The following SIDT2 variants were observed in gnomAD, a reference collection of about 807,000 sequenced individuals.
SIDT2 encodes SID1 transmembrane family, member 2.
A neutral mutation model predicts 114.4 loss-of-function variants in SIDT2; 68 were observed. The observed-to-expected ratio is 0.59, with a 90% confidence interval of 0.49 to 0.73. The LOEUF (loss-of-function observed/expected upper bound fraction) is 0.73. SIDT2 is among the 30% of genes least tolerant of loss of function. The pLI is 0.00. For synonymous variants in SIDT2, 470 were observed against 438.4 expected (o/e 1.07, Z -0.90); for missense variants, 918 against 1,097.1 (o/e 0.84, Z 2.31).
chr11:117,188,192 C>T lies in SIDT2; in HGVS notation c.1159+493C>T, dbSNP rs946551756. 2.5e-5 allele frequency: 9 copies of T among 358,702 alleles called. No individual in the cohort carries two copies. Among genetic ancestry groups the T allele is most frequent in the African/African-American group, 1.1e-4 (5 of 46,904 alleles). The allele number at this position is 358,702 out of a possible 1,614,324, so 22.2% of individuals were successfully genotyped here. ...AGTTTATCGTCTGCGTTGCCAGCGCCCTCACTCCCTGGCCTGCTTGGGGAG... is the reference window on the plus strand; with the variant it reads ...AGTTTATCGTCTGCGTTGCCAGCGCTCTCACTCCCTGGCCTGCTTGGGGAG... On this transcript the variant is annotated intron_variant, in intron 12 of 25. Transcript: ENST00000324225. This position sits in a 1 kb window ranked among gnomAD's most constrained non-coding sequence, Gnocchi z 4.0.
chr11:117,186,564 T>C lies in SIDT2; in HGVS notation c.963-20T>C. 2 of 1,543,098 alleles carry C rather than the reference T, an allele frequency of 1.3e-6. No individual in the cohort carries two copies. Among genetic ancestry groups the C allele is most frequent in the Non-Finnish European group, 8.7e-7 (1 of 1,150,168 alleles). ...CTTGTCCTGTCCCATCTGGGTGGCC[T>C]GTGGGTTCTGTCCATGCAGGCAGAA... On this transcript the variant is annotated intron_variant, in intron 9 of 25. Transcript: ENST00000324225.
Position 117,190,570 on chromosome 11 carries a change from T to G in SIDT2, c.1618-53T>G. The G allele has an allele frequency of 1.4e-6, 2 of 1,456,420 alleles. No individual in the cohort carries two copies. Among genetic ancestry groups the G allele is most frequent in the Admixed American group, 3.9e-5 (2 of 50,664 alleles). 90.2% of individuals were successfully genotyped at this position (1,456,420 alleles called of 1,614,324 possible). A position where few individuals can be genotyped will look rare whatever the true frequency, so the allele number is the denominator to read the frequency against. On this transcript the variant is annotated intron_variant, in intron 17 of 25. Transcript: ENST00000324225. This position sits in a 1 kb window ranked among gnomAD's most constrained non-coding sequence, Gnocchi z 4.1. ...TAGGGTCCCTCTTTTGGGTCCCTTCTTCCCTTCCTGCCTCACTTCCTCCCT... is the reference window on the plus strand; with the variant it reads ...TAGGGTCCCTCTTTTGGGTCCCTTCGTCCCTTCCTGCCTCACTTCCTCCCT...
Position 117,179,030 on chromosome 11 carries a change from A to C in SIDT2, c.-234A>C, listed in dbSNP as rs565304279. 3.6e-6 allele frequency: 2 copies of C among 555,862 alleles called. No homozygotes were observed. The highest frequency in any genetic ancestry group is 3.1e-5 in the East Asian group (1 of 32,512). 34.4% of individuals were successfully genotyped at this position (555,862 alleles called of 1,614,324 possible). A position where few individuals can be genotyped will look rare whatever the true frequency, so the allele number is the denominator to read the frequency against. ...CGAGCTGGGACCCCTTCCCGTAGCCAGCATCCCCTCCCTCCCCGCCCCCTC... is the reference window on the plus strand; with the variant it reads ...CGAGCTGGGACCCCTTCCCGTAGCCCGCATCCCCTCCCTCCCCGCCCCCTC... On this transcript the variant is annotated 5_prime_UTR_variant, in exon 1 of 26. Transcript: ENST00000324225.
rs889929900 is a variant in SIDT2 at position 117,196,445 on chromosome 11, A to C, written c.*379A>C. Reference sequence around the variant, plus strand: ...GCATTTTGCCCGTCCTCCTCCCCACAATGCCCCAGCCTGGGACCTAAGGCC... The same window carrying C: ...GCATTTTGCCCGTCCTCCTCCCCACCATGCCCCAGCCTGGGACCTAAGGCC... On this transcript the variant is annotated 3_prime_UTR_variant, in exon 26 of 26. Coordinates refer to ENST00000324225, the MANE Select transcript of SIDT2 (RefSeq NM_001040455.2). This position sits in a 1 kb window ranked among gnomAD's most constrained non-coding sequence, Gnocchi z 4.9. The C allele has an allele frequency of 3.4e-5, 9 of 262,680 alleles. No homozygotes were observed. The Admixed American group carries it at 3.5e-4, about 10-fold the overall frequency. The allele number at this position is 262,680 out of a possible 1,614,324, so 16.3% of individuals were successfully genotyped here. A position where few individuals can be genotyped will look rare whatever the true frequency, so the allele number is the denominator to read the frequency against.
Position 117,192,536 on chromosome 11 carries a change from G to A in SIDT2, c.1982-38G>A. ...TCCCAGGGGTCCAGCAAAGGAGGGTGCCCCGTGCCTGTCAGCACCACTCCC... is the reference window on the plus strand; with the variant it reads ...TCCCAGGGGTCCAGCAAAGGAGGGTACCCCGTGCCTGTCAGCACCACTCCC... On this transcript the variant is annotated intron_variant, in intron 20 of 25. Transcript: ENST00000324225. This position sits in a 1 kb window ranked among gnomAD's most constrained non-coding sequence, Gnocchi z 5.9. 2 of 1,602,086 alleles carry A rather than the reference G, an allele frequency of 1.2e-6. No individual in the cohort carries two copies. Among genetic ancestry groups the A allele is most frequent in the Non-Finnish European group, 1.7e-6 (2 of 1,178,034 alleles).
At chr11:117,181,590 C>T in intron 2 of SIDT2, 53 bp downstream of exon 2, 1 of 1,608,920 alleles carries the variant, frequency 6.2e-7, no homozygotes, top group Non-Finnish European at 8.5e-7. Context: ...CAGTCCTTGG[C>T]TGGAGCCTCA....
At position 117,187,312 on chromosome 11, in the gene SIDT2, T is replaced by G; in HGVS notation, c.1016-66T>G. On this transcript the variant is annotated intron_variant, in intron 10 of 25. Coordinates refer to ENST00000324225, the MANE Select transcript of SIDT2 (RefSeq NM_001040455.2). ...GCTGTCTTCTCTGGACCTTTCTTTG[T>G]TCTTCTCCCTGGCTCTAGGCCTCTC... 9 of 1,481,504 alleles carry G rather than the reference T, an allele frequency of 6.1e-6. No homozygotes were observed. The South Asian group carries it at 1.0e-4, about 17-fold the overall frequency. The allele number at this position is 1,481,504 out of a possible 1,614,324, so 91.8% of individuals were successfully genotyped here. A position where few individuals can be genotyped will look rare whatever the true frequency, so the allele number is the denominator to read the frequency against.
rs1478369853 is a variant in SIDT2 at position 117,189,705 on chromosome 11, C to G, written c.1420-247C>G. Reference sequence around the variant, plus strand: ...CAGTTTCCCTTCCCTTTTCTCTGTCCCGTGGGGCAAGAACTTCCATCACGG... The same window carrying G: ...CAGTTTCCCTTCCCTTTTCTCTGTCGCGTGGGGCAAGAACTTCCATCACGG... On this transcript the variant is annotated intron_variant, in intron 15 of 25. Transcript: ENST00000324225. 7.7e-5 allele frequency: 46 copies of G among 600,446 alleles called. 1 individual carries two copies. Among genetic ancestry groups the G allele is most frequent in the South Asian group, 7.3e-4 (37 of 50,474 alleles). The allele number at this position is 600,446 out of a possible 1,614,324, so 37.2% of individuals were successfully genotyped here. A position where few individuals can be genotyped will look rare whatever the true frequency, so the allele number is the denominator to read the frequency against.
intron 10 of SIDT2, 81 bp downstream of exon 10, chr11:117,186,717 T>C: frequency 8.6e-7 from 1 of 1,159,742 alleles, no homozygotes; most frequent in Non-Finnish European, 1.2e-6. Flanking sequence ...CCCTAGGGGG[T>C]TGGAGGAGGA....
Position 117,195,827 on chromosome 11 carries a change from A to G in SIDT2, c.2348A>G (p.His783Arg). 3 of 1,614,206 alleles carry G rather than the reference A, an allele frequency of 1.9e-6. No individual in the cohort carries two copies. Among genetic ancestry groups the G allele is most frequent in the Non-Finnish European group, 2.5e-6 (3 of 1,180,030 alleles). The change falls in exon 25 of 26, where the codon CAC becomes CGC. Residue 783 changes from histidine to arginine, a missense_variant. Around this residue, in one of 4 missense-constraint regions of SIDT2, gnomAD observed 275 missense variants for 397.6 expected, o/e 0.69. Coordinates refer to ENST00000324225, the MANE Select transcript of SIDT2 (RefSeq NM_001040455.2). ...WQKTPAESRE[H>R]NRDCILLDFF... ...AAAACCCCTGCAGAGTCGAGGGAGCACAACCGGGACTGCATCCTCCTCGAC... is the reference window on the plus strand; with the variant it reads ...AAAACCCCTGCAGAGTCGAGGGAGCGCAACCGGGACTGCATCCTCCTCGAC...
At position 117,183,668 on chromosome 11, in the gene SIDT2, G is replaced by T. The variant is rs78782288; in HGVS notation, c.703-111G>T. On this transcript the variant is annotated intron_variant, in intron 6 of 25. Coordinates refer to ENST00000324225, the MANE Select transcript of SIDT2 (RefSeq NM_001040455.2). ...AAAAAAAAAATCTTGTGAGGATTAA[G>T]TAAAATATATCTATGAAGAATTTAG... 5.3e-3 allele frequency: 4,329 copies of T among 810,254 alleles called. 147 individuals are homozygous for T. The African/African-American group carries it at 0.066, about 12-fold the overall frequency. The allele number at this position is 810,254 out of a possible 1,614,324, so 50.2% of individuals were successfully genotyped here.
intron 18 of SIDT2, 121 bp from the exon 19 acceptor site, chr11:117,191,757 C>T (rs946020389): frequency 8.8e-5 from 123 of 1,394,458 alleles, no homozygotes; most frequent in Non-Finnish European, 1.1e-4. Context: ...GCCACCAGCT[C>T]ACACCATGGC....
intron 6 of SIDT2, among the ~76,000 whole-genome samples, chr11:117,183,506 T>G (rs1412014816): frequency 6.6e-6 from 1 of 151,534 alleles, no homozygotes; most frequent in Non-Finnish European, 1.5e-5. Flanking sequence ...GGCGTGGTGA[T>G]GGACGCCTGT....
At chr11:117,187,806 G>A (rs2030556945) in intron 12 of SIDT2, 107 bp downstream of exon 12, 1 of 1,072,458 alleles carries the variant, frequency 9.3e-7, no homozygotes, top group African/African-American at 1.6e-5. Context: ...AACCTGGGAA[G>A]GGCCTGCTGT....
rs1170507795 is a variant in SIDT2 at position 117,189,991 on chromosome 11, A to G, written c.1459A>G (p.Asn487Asp). Residue 487 changes from asparagine to aspartate, a missense_variant, in exon 16 of 26, where the codon AAC (asparagine) becomes GAC (aspartate). Coordinates refer to ENST00000324225, the MANE Select transcript of SIDT2 (RefSeq NM_001040455.2). The part of the protein sequence containing the change: ...VTGNQDICYY[N>D]FLCAHPLGNL... ...AGGGAATCAGGACATCTGCTACTAC[A>G]ACTTCCTCTGCGCCCACCCACTGGG... The G allele has an allele frequency of 6.2e-7, 1 of 1,613,946 alleles. No individual in the cohort carries two copies. Among genetic ancestry groups the G allele is most frequent in the Non-Finnish European group, 8.5e-7 (1 of 1,180,012 alleles).
chr11:117,185,905 A>T (rs945860904), intron 8 of SIDT2: 66 of 438,426 alleles, frequency 1.5e-4, no homozygotes, highest in Non-Finnish European at 2.5e-4. Flanking sequence ...AGTAGAAGAG[A>T]AAGTTCTAGC....
At position 117,196,779 on chromosome 11, in the gene SIDT2, A is replaced by C. The variant is rs1275269011; in HGVS notation, c.*713A>C. The C allele has an allele frequency of 6.5e-6, 1 of 152,908 alleles. No homozygotes were observed. The highest frequency in any genetic ancestry group is 1.5e-5 in the Non-Finnish European group (1 of 68,280). The allele number at this position is 152,908 out of a possible 1,614,324, so 9.5% of individuals were successfully genotyped here. A position where few individuals can be genotyped will look rare whatever the true frequency, so the allele number is the denominator to read the frequency against. The stretch of plus-strand genomic sequence containing the variant: ...TTCTGATTCAAGAGGCTGAATTCAG[A>C]GGTCACCTCTTCATCCCATCAGCTC... On this transcript the variant is annotated 3_prime_UTR_variant, in exon 26 of 26. Coordinates refer to ENST00000324225, the MANE Select transcript of SIDT2 (RefSeq NM_001040455.2). This position sits in a 1 kb window ranked among gnomAD's most constrained non-coding sequence, Gnocchi z 4.9.
At position 117,186,343 on chromosome 11, in the gene SIDT2, G is replaced by A. The variant is rs111871882; in HGVS notation, c.962+120G>A. 5.6e-3 allele frequency: 5,205 copies of A among 935,326 alleles called. 50 individuals carry two copies. The highest frequency in any genetic ancestry group is 0.042 in the Middle Eastern group (153 of 3,640). 57.9% of individuals were successfully genotyped at this position (935,326 alleles called of 1,614,324 possible). ...TCTACACCATCCATAGCAGATGATG[G>A]TGGGGCTGTTAGAGTCTGTGGCCCA... On this transcript the variant is annotated intron_variant, in intron 9 of 25. Transcript: ENST00000324225.
chr11:117,194,477 G>A (rs1283927837), intron 24 of SIDT2, among the ~76,000 whole-genome samples: 2 of 152,248 alleles, frequency 1.3e-5, no homozygotes, highest in Non-Finnish European at 2.9e-5. Flanking sequence ...CACATAGCCA[G>A]TGAGTGGCAC....
Sources: allele counts gnomAD v4.1 joint callset (sites outside exome capture counted in the v4.1 genomes callset), GRCh38; gene constraint gnomAD v4.1.1; regional missense constraint gnomAD v4.1.1; non-coding constraint Gnocchi (gnomAD v3.1); transcripts MANE v1.5; gene names NCBI Gene and HGNC (gene_info 2026-07-23, HGNC 2026-07-21).